RFX4: variants seen among roughly 807,000 people sequenced by gnomAD.
The protein encoded by RFX4 is regulatory factor X4, also known as transcription factor RFX4.
Under a neutral mutation model 95.0 loss-of-function variants are expected in RFX4, and 10 were observed. The ratio of observed to expected loss-of-function variants is 0.11; its 90% CI spans 0.06 to 0.18. The LOEUF (loss-of-function observed/expected upper bound fraction) is 0.18. Among genes scored for constraint, RFX4 ranks in the 10% least tolerant of loss-of-function variants. RFX4 has a pLI of 1.00. For missense variants in RFX4, 640 were observed against 922.0 expected (o/e 0.69, Z 3.96); for synonymous variants, 321 against 340.7 (o/e 0.94, Z 0.64).
At chr12:106,714,196 A>G (rs2137509380) in intron 10 of RFX4, among the ~76,000 whole-genome samples, 1 of 152,170 alleles carries the variant, frequency 6.6e-6, no homozygotes, top group Non-Finnish European at 1.5e-5. Flanking sequence ...TGCTCAGGAA[A>G]GAAAAAAAAA....
intron 2 of RFX4, among the ~76,000 whole-genome samples, chr12:106,637,412 A>G (rs1006268208): frequency 4.6e-5 from 7 of 152,340 alleles, no homozygotes; most frequent in African/African-American, 1.4e-4. Flanking sequence ...TATACATCAT[A>G]TGACATTTTC....
chr12:106,692,090 G>A (rs1420398506), intron 7 of RFX4, among the ~76,000 whole-genome samples: 1 of 151,562 alleles, frequency 6.6e-6, no homozygotes, highest in Non-Finnish European at 1.5e-5. Context: ...CCAGGAGGCG[G>A]AGGTTGCAGT....
chr12:106,661,314 G>T (rs2041068188), intron 4 of RFX4, among the ~76,000 whole-genome samples: 1 of 152,202 alleles, frequency 6.6e-6, no homozygotes, highest in African/African-American at 2.4e-5. Flanking sequence ...CCTTTTCATG[G>T]ATTATCTCAT....
At chr12:106,678,828 T>C (rs1200772730) in intron 4 of RFX4, among the ~76,000 whole-genome samples, 1 of 152,260 alleles carries the variant, frequency 6.6e-6, no homozygotes, top group Non-Finnish European at 1.5e-5. Context: ...GTTACCATCA[T>C]TTTTAATGGC....
At chr12:106,642,060 G>C (rs1469199106) in intron 3 of RFX4, among the ~76,000 whole-genome samples, 1 of 150,724 alleles carries the variant, frequency 6.6e-6, no homozygotes. Context: ...GCCCAGGCTG[G>C]AGTGCAATGG....
intron 11 of RFX4, among the ~76,000 whole-genome samples, chr12:106,718,151 T>C (rs2042328119): frequency 1.3e-5 from 2 of 152,240 alleles, no homozygotes; most frequent in South Asian, 2.1e-4. Flanking sequence ...TCCCTGGGGC[T>C]GGGATGCCCA....
intron 3 of RFX4, among the ~76,000 whole-genome samples, chr12:106,652,816 A>C (rs1463447377): frequency 6.6e-6 from 1 of 152,198 alleles, no homozygotes; most frequent in Non-Finnish European, 1.5e-5. Flanking sequence ...CCGTGTCCTC[A>C]TTCCACTTCA....
chr12:106,733,158 A>G (rs1211490584), intron 15 of RFX4, 73 bp downstream of exon 15: 5 of 1,492,800 alleles, frequency 3.3e-6, no homozygotes, highest in Admixed American at 3.4e-5. Context: ...CCTGGGCAAC[A>G]TAGTGAGACT....
At chr12:106,599,708 T>C (rs1464320029) in intron 1 of RFX4, among the ~76,000 whole-genome samples, 1 of 152,102 alleles carries the variant, frequency 6.6e-6, no homozygotes, top group African/African-American at 2.4e-5. Flanking sequence ...ACATTCTTTT[T>C]TTTTAAACAA....
intron 3 of RFX4, among the ~76,000 whole-genome samples, chr12:106,643,324 G>A (rs1239413575): frequency 6.6e-6 from 1 of 152,194 alleles, no homozygotes; most frequent in Non-Finnish European, 1.5e-5. Flanking sequence ...CCACGAGAAG[G>A]TGGCCCATGT....
At chr12:106,616,711 C>T (rs547225161) in intron 2 of RFX4, among the ~76,000 whole-genome samples, 1 of 152,132 alleles carries the variant, frequency 6.6e-6, no homozygotes, top group South Asian at 2.1e-4. Flanking sequence ...TCTGTTTCAT[C>T]TAAATTTTCA....
intron 4 of RFX4, among the ~76,000 whole-genome samples, chr12:106,679,701 C>T (rs1486322310): frequency 6.6e-6 from 1 of 152,114 alleles, no homozygotes; most frequent in Non-Finnish European, 1.5e-5. Context: ...TTATGCTTCC[C>T]TTGTTTTCTT....
intron 1 of RFX4, among the ~76,000 whole-genome samples, chr12:106,601,974 C>T (rs934572270): frequency 1.3e-5 from 2 of 152,194 alleles, no homozygotes; most frequent in African/African-American, 4.8e-5. Context: ...CTTTCCTCTC[C>T]ATGGAAGCTC....
rs913558497 is a variant in RFX4, at chr12:106,621,080, CAT to C, written c.130+12198_130+12199del. Among the ~76,000 whole-genome samples the C allele has an allele frequency of 7.2e-4, 110 of 152,220 alleles. 2 individuals carry two copies. Among genetic ancestry groups the C allele is most frequent in the Middle Eastern group, 6.8e-3 (2 of 294 alleles). On this transcript the variant is annotated intron_variant, in intron 2 of 17. Coordinates refer to ENST00000392842, the MANE Select transcript of RFX4 (RefSeq NM_213594.3). ...ACTGATTTCATATTGTTCAAACACACATGTTTTACCATCAATTTGTACAGTTA... is the reference window on the plus strand; with the variant it reads ...ACTGATTTCATATTGTTCAAACACACGTTTTACCATCAATTTGTACAGTTA...
intron 2 of RFX4, among the ~76,000 whole-genome samples, chr12:106,628,639 C>T (rs990538449): frequency 6.6e-6 from 1 of 152,172 alleles, no homozygotes; most frequent in Non-Finnish European, 1.5e-5. Flanking sequence ...ATTGAGAAGT[C>T]CTGGTCTCAC....
chr12:106,662,619 T>C (rs1172899126), intron 4 of RFX4, among the ~76,000 whole-genome samples: 2 of 152,164 alleles, frequency 1.3e-5, no homozygotes, highest in Non-Finnish European at 2.9e-5. Context: ...TGGTGTTTTA[T>C]CTAAAAAGTC....
chr12:106,663,453 T>C (rs548132474), intron 4 of RFX4, among the ~76,000 whole-genome samples: 2 of 152,202 alleles, frequency 1.3e-5, no homozygotes, highest in Admixed American at 1.3e-4. Flanking sequence ...TTTTTTTTCT[T>C]TTGTAGAATC....
intron 2 of RFX4, among the ~76,000 whole-genome samples, chr12:106,624,313 TTTTTA>T (rs1277947152): frequency 1.3e-5 from 2 of 152,138 alleles, no homozygotes; most frequent in African/African-American, 2.4e-5. Context: ...AATTTTTTCA[TTTTTA>T]TTTTATTTTA....
At chr12:106,683,248 C>T (rs2041558462) in intron 5 of RFX4, 1 of 152,066 alleles carries the variant, frequency 6.6e-6, no homozygotes. Flanking sequence ...ACATTCCCAT[C>T]CTCCAAGGGT....
Sources: gnomAD v4.1 joint callset for allele counts (sites outside exome capture counted in the v4.1 genomes callset) on GRCh38, gnomAD v4.1.1 for gene constraint, MANE v1.5 for transcripts, NCBI Gene and HGNC (gene_info 2026-07-23, HGNC 2026-07-21) for gene names.